CDK14: variants seen among roughly 807,000 people sequenced by gnomAD.
CDK14 encodes cyclin-dependent kinase 14.
In CDK14, 34 loss-of-function variants were observed where a neutral mutation model predicts 60.7. The ratio of observed to expected loss-of-function variants is 0.56; its 90% confidence interval spans 0.43 to 0.75. The LOEUF (loss-of-function observed/expected upper bound fraction) is 0.75, where lower values mean the gene tolerates loss of function less well. Ranked by LOEUF, CDK14 falls within the 30% of genes least tolerant of loss-of-function variation. CDK14 has a pLI of 0.00. For missense variants in CDK14, 482 were observed against 564.1 expected (o/e 0.85, Z 1.47); for synonymous variants, 197 against 203.7 (o/e 0.97, Z 0.28).
At chr7:91,054,088 ATTTTT>A in intron 11 of CDK14, among the ~76,000 whole-genome samples, 1 of 112,948 alleles carries the variant, frequency 8.9e-6, no homozygotes, top group Non-Finnish European at 1.7e-5. Context: ...CTGCAAAATA[ATTTTT>A]TTTTTTTTTT....
intron 2 of CDK14, among the ~76,000 whole-genome samples, chr7:90,628,256 C>A (rs1467047128): frequency 6.6e-6 from 1 of 152,134 alleles, no homozygotes; most frequent in African/African-American, 2.4e-5. Flanking sequence ...CGTGCCTGGC[C>A]AGAAAGGTGA....
In CDK14 at chr7:90,858,127, A is replaced by T. The variant is rs1267124840; in HGVS notation, c.545-5048A>T. On this transcript the variant is annotated intron_variant, in intron 5 of 14. Transcript: ENST00000380050. Reference sequence around the variant, plus strand: ...AATTATTGAGATTTATTAGGATGTAATGTGGAGGCTTTCAGGTTTCATCTA... The same window carrying T: ...AATTATTGAGATTTATTAGGATGTATTGTGGAGGCTTTCAGGTTTCATCTA... Among the ~76,000 whole-genome samples the T allele has an allele frequency of 3.3e-5, 5 of 152,308 alleles. No homozygotes were observed. In the East Asian group the frequency reaches 9.6e-4, roughly 29 times the overall value.
chr7:90,974,570 A>G (rs1351721923), intron 9 of CDK14, among the ~76,000 whole-genome samples: 1 of 152,170 alleles, frequency 6.6e-6, no homozygotes, highest in African/African-American at 2.4e-5. Context: ...AAGGAGAACA[A>G]TGTTTTATTT....
At chr7:90,709,770 CTTTT>C in intron 2 of CDK14, 1 of 1,165,024 alleles carries the variant, frequency 8.6e-7, no homozygotes, top group Non-Finnish European at 1.1e-6. Flanking sequence ...GATTTCTGGG[CTTTT>C]TTTTTTTTGC....
At chr7:90,677,219 A>G (rs898306836) in intron 2 of CDK14, among the ~76,000 whole-genome samples, 5 of 152,150 alleles carry the variant, frequency 3.3e-5, no homozygotes, top group Non-Finnish European at 5.9e-5. Flanking sequence ...GGTAAGTTCC[A>G]TGGTTCGTAG....
At chr7:90,894,308 T>C (rs1792229398) in intron 6 of CDK14, among the ~76,000 whole-genome samples, 1 of 152,156 alleles carries the variant, frequency 6.6e-6, no homozygotes, top group Non-Finnish European at 1.5e-5. Context: ...AGAGATTATG[T>C]CACCTGCTCA....
intron 6 of CDK14, among the ~76,000 whole-genome samples, chr7:90,869,729 C>G (rs934874020): frequency 6.6e-6 from 1 of 152,048 alleles, no homozygotes; most frequent in Non-Finnish European, 1.5e-5. Flanking sequence ...ATTGTGTGGC[C>G]GACACACCTG....
intron 14 of CDK14, among the ~76,000 whole-genome samples, chr7:91,165,459 G>A (rs1050918716): frequency 2.0e-5 from 3 of 151,200 alleles, no homozygotes; most frequent in African/African-American, 7.4e-5. Context: ...ATCTCCGTGG[G>A]GCCTCTGGTT....
At chr7:90,882,103 A>G (rs943839631) in intron 6 of CDK14, among the ~76,000 whole-genome samples, 4 of 152,166 alleles carry the variant, frequency 2.6e-5, no homozygotes, top group African/African-American at 9.7e-5. Flanking sequence ...CCTTAAATGT[A>G]AGTGGGCTAA....
At chr7:90,658,626 T>C (rs1353267738) in intron 2 of CDK14, among the ~76,000 whole-genome samples, 4 of 152,248 alleles carry the variant, frequency 2.6e-5, no homozygotes, top group Non-Finnish European at 5.9e-5. Flanking sequence ...TTGTAGCGTG[T>C]ATCAGTGCTT....
chr7:91,038,951 G>A (rs7802697), intron 10 of CDK14, among the ~76,000 whole-genome samples: 20,581 of 152,108 alleles, frequency 0.14, 1,513 homozygotes, highest in Middle Eastern at 0.17. Flanking sequence ...TTTCTTTCCA[G>A]TCTTGGGTAT....
chr7:90,921,837 T>A (rs1164656276), intron 8 of CDK14, among the ~76,000 whole-genome samples: 1 of 152,228 alleles, frequency 6.6e-6, no homozygotes, highest in Non-Finnish European at 1.5e-5. Flanking sequence ...ACCTTCCTAA[T>A]GTTGATAGTT....
At chr7:90,906,786 C>T (rs1008736659) in intron 7 of CDK14, among the ~76,000 whole-genome samples, 1 of 152,014 alleles carries the variant, frequency 6.6e-6, no homozygotes. Flanking sequence ...AATGGAACTA[C>T]ACATAGCTCC....
chr7:91,137,686 T>TATG (rs1363489399), intron 14 of CDK14, among the ~76,000 whole-genome samples: 5 of 33,454 alleles, frequency 1.5e-4, no homozygotes, highest in African/African-American at 1.2e-3. Context: ...TCTAAAGACT[T>TATG]GTGGGGGGTG....
chr7:91,068,709 C>G (rs1478529321), intron 11 of CDK14, among the ~76,000 whole-genome samples: 1 of 150,934 alleles, frequency 6.6e-6, no homozygotes, highest in African/African-American at 2.4e-5. Context: ...CATATTGTCT[C>G]TCTCCTGGAC....
chr7:90,767,748 A>G (rs1804621848), intron 4 of CDK14, among the ~76,000 whole-genome samples: 1 of 152,224 alleles, frequency 6.6e-6, no homozygotes, highest in African/African-American at 2.4e-5. Context: ...TAACATAGGA[A>G]CTAATATTAT....
chr7:91,174,551 A>C (rs966146596), intron 14 of CDK14, among the ~76,000 whole-genome samples: 9 of 149,272 alleles, frequency 6.0e-5, no homozygotes, highest in African/African-American at 2.2e-4. Context: ...AGAAGTTGAA[A>C]ACTTTGAAAA....
chr7:90,808,489 C>A (rs187252301), intron 5 of CDK14, among the ~76,000 whole-genome samples: 11 of 152,320 alleles, frequency 7.2e-5, no homozygotes, highest in Non-Finnish European at 1.5e-4. Flanking sequence ...AAAGGAACAA[C>A]TGGTAACAGC....
intron 2 of CDK14, among the ~76,000 whole-genome samples, chr7:90,671,141 GCT>G (rs1338326189): frequency 1.3e-5 from 2 of 152,106 alleles, no homozygotes. Context: ...CCCAGATGGT[GCT>G]CTCTGTGTCT....
Sources: gnomAD v4.1 joint callset for allele counts (sites outside exome capture counted in the v4.1 genomes callset) on GRCh38, gnomAD v4.1.1 for gene constraint, MANE v1.5 for transcripts, NCBI Gene and HGNC (gene_info 2026-07-23, HGNC 2026-07-21) for gene names.